ANKS1B: variants seen among roughly 807,000 people sequenced by gnomAD.
ANKS1B encodes ankyrin repeat and sterile alpha motif domain containing 1B, also known as ankyrin repeat and sterile alpha motif domain-containing protein 1B.
Under a neutral mutation model 148.3 loss-of-function variants are expected in ANKS1B, and 36 were observed. That is an observed-to-expected ratio of 0.24 (90% CI 0.19 to 0.32). ANKS1B has a LOEUF of 0.32. Among genes scored for constraint, ANKS1B ranks in the 10% least tolerant of loss-of-function variants. ANKS1B has a pLI of 1.00. For missense variants in ANKS1B, 1,157 were observed against 1,542.6 expected (o/e 0.75, Z 4.19); for synonymous variants, 542 against 560.8 (o/e 0.97, Z 0.47).
rs773138525 is a variant in ANKS1B, at chr12:99,326,698, C to G, written c.1756+72933G>C. On this transcript the variant is annotated intron_variant, in intron 12 of 26. Transcript: ENST00000683438. ...GTTGAGAAAGTTTATATATTTCTTA[C>G]TTTTATATTTTAATTTTTTTTTTAC... Among the ~76,000 whole-genome samples the G allele has an allele frequency of 7.6e-4, 116 of 151,748 alleles. 1 individual carries two copies. Among genetic ancestry groups the G allele is most frequent in the South Asian group, 1.2e-3 (6 of 4,826 alleles).
intron 11 of ANKS1B, 142 bp from the exon 12 acceptor site, chr12:99,399,953 C>G (rs2094356644): frequency 1.4e-6 from 1 of 695,074 alleles, no homozygotes; most frequent in Admixed American, 3.2e-5. Context: ...TTGTGCTTTA[C>G]AGAGATACAT....
At chr12:99,121,456 T>C (rs1250336058) in intron 15 of ANKS1B, among the ~76,000 whole-genome samples, 1 of 152,102 alleles carries the variant, frequency 6.6e-6, no homozygotes, top group African/African-American at 2.4e-5. Flanking sequence ...CTTAAGGTAC[T>C]TGAGGTTTGA....
intron 8 of ANKS1B, among the ~76,000 whole-genome samples, chr12:99,688,615 T>A (rs1185957228): frequency 6.6e-6 from 1 of 152,060 alleles, no homozygotes; most frequent in Non-Finnish European, 1.5e-5. Flanking sequence ...AGTGGGAAGA[T>A]CACTTGAGGC....
chr12:99,422,328 T>G (rs560400706), intron 11 of ANKS1B, among the ~76,000 whole-genome samples: 2 of 152,140 alleles, frequency 1.3e-5, no homozygotes, highest in African/African-American at 4.8e-5. Flanking sequence ...AACTAAAAGA[T>G]AGATGCCATT....
chr12:99,571,609 T>C (rs2097456522), intron 9 of ANKS1B, among the ~76,000 whole-genome samples: 1 of 152,126 alleles, frequency 6.6e-6, no homozygotes, highest in Non-Finnish European at 1.5e-5. Flanking sequence ...TCTTTCCGAA[T>C]GTTAAGGTCT....
At chr12:98,789,597 C>G (rs1177406926) in intron 22 of ANKS1B, among the ~76,000 whole-genome samples, 1 of 151,868 alleles carries the variant, frequency 6.6e-6, no homozygotes, top group Non-Finnish European at 1.5e-5. Flanking sequence ...GTGTGTATAC[C>G]CTTTGATCCA....
At chr12:99,252,691 G>A (rs552833528) in intron 12 of ANKS1B, among the ~76,000 whole-genome samples, 1 of 152,308 alleles carries the variant, frequency 6.6e-6, no homozygotes, top group South Asian at 2.1e-4. Context: ...CCAAAGGAGA[G>A]GGTCTTGTGC....
rs543145883 is a variant in ANKS1B, at chr12:99,475,782, TA to T, written c.1438+28693del. Among the ~76,000 whole-genome samples, 3 of 152,016 alleles carry T rather than the reference TA, an allele frequency of 2.0e-5. No homozygotes were observed. In the East Asian group the frequency reaches 5.8e-4, roughly 29 times the overall value. On this transcript the variant is annotated intron_variant, in intron 10 of 26. Transcript: ENST00000683438. ...ACTGTAATTACATTAATCAGTCATATAAAAAATGAAGAGCAATAAAAATATG... is the reference window on the plus strand; with the variant it reads ...ACTGTAATTACATTAATCAGTCATATAAAAATGAAGAGCAATAAAAATATG...
intron 17 of ANKS1B, among the ~76,000 whole-genome samples, chr12:99,011,093 A>G (rs937483911): frequency 6.6e-6 from 1 of 151,716 alleles, no homozygotes; most frequent in African/African-American, 2.4e-5. Flanking sequence ...TCCTGACTCA[A>G]TGCTCACCTT....
intron 15 of ANKS1B, among the ~76,000 whole-genome samples, chr12:99,133,163 C>G: frequency 6.6e-6 from 1 of 151,286 alleles, no homozygotes; most frequent in Admixed American, 6.6e-5. Context: ...GCAATTCTTC[C>G]GCCTCAGCCT....
intron 17 of ANKS1B, among the ~76,000 whole-genome samples, chr12:98,953,186 A>G (rs1042651404): frequency 2.0e-5 from 3 of 151,836 alleles, no homozygotes; most frequent in Admixed American, 6.6e-5. Flanking sequence ...ACACACAACT[A>G]ATTTTTGTAT....
At chr12:99,619,837 C>T (rs1014544100) in intron 9 of ANKS1B, among the ~76,000 whole-genome samples, 16 of 152,184 alleles carry the variant, frequency 1.1e-4, no homozygotes, top group African/African-American at 3.9e-4. Context: ...TGGATTCTTG[C>T]TTGGCACTGG....
In ANKS1B at chr12:99,632,727, CTATATATATATATATA is replaced by C. The variant is rs3081654; in HGVS notation, c.1272+22324_1272+22339del. On this transcript the variant is annotated intron_variant, in intron 9 of 26. Transcript: ENST00000683438. ...TTTGGCCTGTGTCTTCCTTTTCTTTCTATATATATATATATATATATATATATATATATATATATAT... is the reference window on the plus strand; with the variant it reads ...TTTGGCCTGTGTCTTCCTTTTCTTTCTATATATATATATATATATATATAT... 5.9e-3 allele frequency among the ~76,000 whole-genome samples: 231 copies of C among 39,046 alleles called. 11 individuals are homozygous for C. The highest frequency in any genetic ancestry group is 0.03 in the Middle Eastern group (2 of 66). 25.6% of individuals were successfully genotyped at this position (39,046 alleles called of 152,430 possible).
rs2075698547 is a variant in ANKS1B, at chr12:99,154,392, G to A, written c.2423C>T (p.Pro808Leu). The change falls in exon 15 of 27, where the codon CCC (proline) becomes CTC (leucine). Residue 808 changes from proline (P) to leucine (L), a missense_variant. Pro to Leu is a moderately conservative substitution (Grantham distance 98). This residue lies in a region of ANKS1B where 661 missense variants were observed against 642.1 expected (regional missense o/e 1.03). Coordinates refer to ENST00000683438, the MANE Select transcript of ANKS1B (RefSeq NM_001352186.2). ...TCCCACTGTTTGGACAGGGCATCTG[G>A]GTCCTGTAAGAGGATGAAGAGGGAA... Reference protein sequence around the residue: ...LKEMNGETTRPRCPVQTVGQW... With the variant: ...LKEMNGETTRLRCPVQTVGQW... The A allele has an allele frequency of 1.2e-6, 2 of 1,613,764 alleles. No homozygotes were observed. The highest frequency in any genetic ancestry group is 4.5e-5 in the East Asian group (2 of 44,862).
At chr12:99,033,121 T>C (rs2099953302) in intron 17 of ANKS1B, among the ~76,000 whole-genome samples, 1 of 152,204 alleles carries the variant, frequency 6.6e-6, no homozygotes, top group Non-Finnish European at 1.5e-5. Flanking sequence ...AGTCACCTGG[T>C]GAACCTTTAA....
At chr12:99,864,920 C>T (rs61386818) in intron 1 of ANKS1B, among the ~76,000 whole-genome samples, 4,067 of 152,312 alleles carry the variant, frequency 0.027, 71 homozygotes, top group African/African-American at 0.048. Flanking sequence ...TTGCAGCTTT[C>T]CTCTACTCCT....
At chr12:99,691,636 C>CAT (rs1209450414) in intron 8 of ANKS1B, among the ~76,000 whole-genome samples, 2 of 152,164 alleles carry the variant, frequency 1.3e-5, no homozygotes, top group East Asian at 3.9e-4. Flanking sequence ...TTTCATTGTC[C>CAT]ATATCACTAT....
chr12:98,923,066 T>C (rs2099803574), intron 17 of ANKS1B, among the ~76,000 whole-genome samples: 1 of 152,016 alleles, frequency 6.6e-6, no homozygotes, highest in South Asian at 2.1e-4. Context: ...GTGAGAGGTG[T>C]CTGGGTCATA....
chr12:98,881,044 T>C (rs2099706582), intron 17 of ANKS1B, among the ~76,000 whole-genome samples: 1 of 152,166 alleles, frequency 6.6e-6, no homozygotes, highest in African/African-American at 2.4e-5. Flanking sequence ...TGAATAGCAG[T>C]ATATTTTTTA....
Sources: allele counts gnomAD v4.1 joint callset (sites outside exome capture counted in the v4.1 genomes callset), GRCh38; gene constraint gnomAD v4.1.1; regional missense constraint gnomAD v4.1.1; transcripts MANE v1.5; gene names NCBI Gene and HGNC (gene_info 2026-07-23, HGNC 2026-07-21).